GIGYF2: variants seen among roughly 807,000 people sequenced by gnomAD.
The protein encoded by GIGYF2 is GRB10 interacting GYF protein 2, also known as GRB10-interacting GYF protein 2.
A neutral mutation model predicts 208.1 loss-of-function variants in GIGYF2; 25 were observed. The ratio of observed to expected loss-of-function variants is 0.12; its 90% CI spans 0.09 to 0.17. GIGYF2 has a LOEUF of 0.17. GIGYF2 is among the 10% of genes least tolerant of loss of function. The pLI is 1.00. For synonymous variants in GIGYF2, 534 were observed against 543.8 expected (o/e 0.98, Z 0.25); for missense variants, 1,302 against 1,579.4 (o/e 0.82, Z 2.98).
chr2:232,842,518 C>T (rs913339213), intron 23 of GIGYF2, among the ~76,000 whole-genome samples: 2 of 152,090 alleles, frequency 1.3e-5, no homozygotes, highest in African/African-American at 2.4e-5. Context: ...CCTATTTTGC[C>T]GTTCTCTTAT....
At chr2:232,822,928 T>C (rs1484669499) in intron 21 of GIGYF2, among the ~76,000 whole-genome samples, 1 of 152,184 alleles carries the variant, frequency 6.6e-6, no homozygotes, top group African/African-American at 2.4e-5. Flanking sequence ...ATAGCCTTAT[T>C]TCCAGTATTG....
intron 8 of GIGYF2, among the ~76,000 whole-genome samples, chr2:232,770,050 A>G (rs937185100): frequency 6.6e-6 from 1 of 152,156 alleles, no homozygotes; most frequent in African/African-American, 2.4e-5. Context: ...AGTTTTTCCC[A>G]TATAAGTTTA....
chr2:232,748,403 C>T (rs532828215), intron 4 of GIGYF2, among the ~76,000 whole-genome samples: 5 of 152,274 alleles, frequency 3.3e-5, no homozygotes, highest in African/African-American at 1.2e-4. Context: ...GTGCCTCAGC[C>T]TCCTGAGTAG....
chr2:232,827,208 G>GGTTTTTTTTTTTTTTTTTTTTTTTTTTTT (rs1701277520), intron 21 of GIGYF2, among the ~76,000 whole-genome samples: 2 of 151,938 alleles, frequency 1.3e-5, no homozygotes, highest in Non-Finnish European at 2.9e-5. Flanking sequence ...TATAGACATT[G>GGTTTTTTTTTTTTTTTTTTTTTTTTTTTT]TTTTTTAAGA....
intron 14 of GIGYF2, among the ~76,000 whole-genome samples, chr2:232,802,239 T>C (rs576462001): frequency 6.8e-6 from 1 of 147,426 alleles, no homozygotes; most frequent in African/African-American, 2.5e-5. Flanking sequence ...ATTTGGATGC[T>C]TTTTTTTTTT....
At position 232,858,862 on chromosome 2, in the gene GIGYF2, CAT is replaced by C. The variant is rs923184987; in HGVS notation, c.*2003_*2004del. On this transcript the variant is annotated 3_prime_UTR_variant, in exon 29 of 29. Coordinates refer to ENST00000373563, the MANE Select transcript of GIGYF2 (RefSeq NM_001103146.3). ...CTTTTTGACTCTCCCTTTCTGCTAA[CAT>C]GTGGATCAGCTCCTGCCCTCATACC... The C allele has an allele frequency of 2.2e-4, 61 of 279,638 alleles. No individual in the cohort carries two copies. The highest frequency in any genetic ancestry group is 5.7e-4 in the South Asian group (15 of 26,116). 17.3% of individuals were successfully genotyped at this position (279,638 alleles called of 1,614,324 possible).
At chr2:232,730,023 A>T (rs1391021891) in intron 2 of GIGYF2, 7 of 804,918 alleles carry the variant, frequency 8.7e-6, no homozygotes, top group African/African-American at 5.1e-5. Flanking sequence ...GTAAGACTTG[A>T]TGTGATTATA....
chr2:232,771,506 C>G (rs1699245137), intron 8 of GIGYF2: 1 of 585,412 alleles, frequency 1.7e-6, no homozygotes, highest in African/African-American at 1.9e-5. Flanking sequence ...AACTCTCTCG[C>G]TTTTCTCTTC....
At chr2:232,708,082 C>T (rs1464351745) in intron 2 of GIGYF2, among the ~76,000 whole-genome samples, 1 of 152,166 alleles carries the variant, frequency 6.6e-6, no homozygotes, top group Non-Finnish European at 1.5e-5. Flanking sequence ...CCCACCTCAG[C>T]CTCCTGAGTA....
At chr2:232,845,224 T>C (rs776006727) in intron 25 of GIGYF2, among the ~76,000 whole-genome samples, 2 of 152,230 alleles carry the variant, frequency 1.3e-5, no homozygotes, top group Non-Finnish European at 2.9e-5. Flanking sequence ...ACATGATAAG[T>C]AGTAAGTGCC....
intron 8 of GIGYF2, among the ~76,000 whole-genome samples, chr2:232,778,096 C>T (rs1473015869): frequency 6.6e-6 from 1 of 151,842 alleles, no homozygotes; most frequent in Non-Finnish European, 1.5e-5. Context: ...GCCACCACAT[C>T]TGGCTAATTT....
At chr2:232,831,243 GT>G (rs1424582457) in intron 21 of GIGYF2, among the ~76,000 whole-genome samples, 1 of 152,182 alleles carries the variant, frequency 6.6e-6, no homozygotes, top group Non-Finnish European at 1.5e-5. Flanking sequence ...CTCCTTGGAA[GT>G]CACTCTGTGC....
At chr2:232,704,856 A>AT (rs10689292) in intron 2 of GIGYF2, among the ~76,000 whole-genome samples, 2,551 of 101,778 alleles carry the variant, frequency 0.025, 226 homozygotes, top group African/African-American at 0.084. Flanking sequence ...TAACTTCTGG[A>AT]TTTTTTTTTT....
intron 18 of GIGYF2, among the ~76,000 whole-genome samples, chr2:232,812,761 A>C (rs1700772198): frequency 6.6e-6 from 1 of 152,176 alleles, no homozygotes; most frequent in South Asian, 2.1e-4. Flanking sequence ...AATCATTTAA[A>C]TTATTTTCGA....
chr2:232,845,108 T>G (rs1025971921), intron 25 of GIGYF2, among the ~76,000 whole-genome samples: 1 of 152,240 alleles, frequency 6.6e-6, no homozygotes, highest in Non-Finnish European at 1.5e-5. Context: ...TTATTAGCTG[T>G]GTGACCTTGG....
intron 2 of GIGYF2, among the ~76,000 whole-genome samples, chr2:232,704,159 T>A (rs1574761315): frequency 6.6e-6 from 1 of 152,104 alleles, no homozygotes; most frequent in Non-Finnish European, 1.5e-5. Context: ...AGCTGAAAGG[T>A]CCCACTCCTA....
intron 18 of GIGYF2, among the ~76,000 whole-genome samples, chr2:232,813,735 G>C (rs1700815048): frequency 6.6e-6 from 1 of 152,066 alleles, no homozygotes; most frequent in Admixed American, 6.5e-5. Flanking sequence ...TTTCCATGCT[G>C]TTTGTACCTT....
chr2:232,817,098 C>T (rs935833048), intron 20 of GIGYF2, 66 bp downstream of exon 20: 4 of 1,156,456 alleles, frequency 3.5e-6, no homozygotes, highest in African/African-American at 1.5e-5. Context: ...TGCTTTCTTT[C>T]ATCATTTCAC....
intron 20 of GIGYF2, among the ~76,000 whole-genome samples, chr2:232,819,167 C>T (rs1256758099): frequency 6.6e-6 from 1 of 152,058 alleles, no homozygotes; most frequent in Non-Finnish European, 1.5e-5. Context: ...AAGATCCATG[C>T]TGAGATGAAA....
Sources: gnomAD v4.1 joint callset for allele counts (sites outside exome capture counted in the v4.1 genomes callset) on GRCh38, gnomAD v4.1.1 for gene constraint, MANE v1.5 for transcripts, NCBI Gene and HGNC (gene_info 2026-07-23, HGNC 2026-07-21) for gene names.